Variants in PRDM2 observed in about 807,000 individuals in gnomAD.
The protein encoded by PRDM2 is PR domain zinc finger protein 2.
A neutral mutation model predicts 130.0 loss-of-function variants in PRDM2; 30 were observed. The observed-to-expected ratio is 0.23, with a 90% CI of 0.17 to 0.31. The LOEUF (loss-of-function observed/expected upper bound fraction) is 0.31, where lower values mean the gene tolerates loss of function less well. Ranked by LOEUF, PRDM2 falls within the 10% of genes least tolerant of loss-of-function variation. The probability of loss-of-function intolerance (pLI) is 1.00; values close to 1 mark genes in which losing one functional copy is unlikely to be tolerated. For missense variants in PRDM2, 2,011 were observed against 2,108.4 expected, an observed-to-expected ratio of 0.95 and a Z score of 0.90; for synonymous variants, 871 against 782.4, an observed-to-expected ratio of 1.11 and a Z score of -1.89.
rs1364862830 is a variant in PRDM2, at chr1:13,803,414, G to T, written c.5037-13013G>T. 6.6e-6 allele frequency among the ~76,000 whole-genome samples: 1 copy of T among 152,120 alleles called. No individual in the cohort carries two copies. Among genetic ancestry groups the T allele is most frequent in the Non-Finnish European group, 1.5e-5 (1 of 68,018 alleles). On this transcript the variant is annotated intron_variant, in intron 8 of 9. Transcript: ENST00000311066. The surrounding 1 kb of genome is among the most constrained non-coding windows in gnomAD (Gnocchi z 6.2). ...GCTCTCCTGGTGCTCCCAGTCCAGT[G>T]GGGGAGCCAGGTGGGTAGAGCCAGT...
rs1041004150 is a variant in PRDM2 at position 13,806,230 on chromosome 1, C to T, written c.5037-10197C>T. On this transcript the variant is annotated intron_variant, in intron 8 of 9. Transcript: ENST00000311066. This position sits in a 1 kb window ranked among gnomAD's most constrained non-coding sequence, Gnocchi z 4.1. ...CTCTGCACATTACCAGCTGCTCCCC[C>T]GCATCCCGCCTCCATCCCTGGGCTC... Among the ~76,000 whole-genome samples the T allele has an allele frequency of 9.2e-5, 13 of 141,020 alleles. No individual in the cohort carries two copies. Among genetic ancestry groups the T allele is most frequent in the Admixed American group, 6.1e-4 (9 of 14,662 alleles). 92.5% of individuals were successfully genotyped at this position (141,020 alleles called of 152,430 possible).
chr1:13,742,231 C>T (rs1354864483), intron 5 of PRDM2, 74 bp downstream of exon 5: 23 of 1,475,234 alleles, frequency 1.6e-5, no homozygotes, highest in East Asian at 2.3e-5. Flanking sequence ...GAGACGGTCT[C>T]ATTCTGTCTC....
At position 13,780,969 on chromosome 1, in the gene PRDM2, TTCC is replaced by T. The variant is rs749624175; in HGVS notation, c.3183_3185del (p.Ser1063del). The T allele has an allele frequency of 3.1e-5, 50 of 1,602,774 alleles. 2 individuals carry two copies. The South Asian group carries it at 4.1e-4, about 13-fold the overall frequency. On this transcript the variant is annotated inframe_deletion, in exon 8 of 10. Coordinates refer to ENST00000311066, the MANE Select transcript of PRDM2 (RefSeq NM_001393986.1). ...CACTTTCTTCTTCCTCCTCTTCATCTTCCTCCTCCTCTTCGTTTTCTTCTTCAT... is the reference window on the plus strand; with the variant it reads ...CACTTTCTTCTTCCTCCTCTTCATCTTCCTCCTCTTCGTTTTCTTCTTCAT...
chr1:13,707,484 T>A (rs1294855760), intron 1 of PRDM2, among the ~76,000 whole-genome samples: 1 of 152,256 alleles, frequency 6.6e-6, no homozygotes, highest in African/African-American at 2.4e-5. Context: ...AGCTTGGCAT[T>A]TGAGCCTTAG....
chr1:13,811,659 A>G (rs898843416), intron 8 of PRDM2, among the ~76,000 whole-genome samples: 4 of 152,230 alleles, frequency 2.6e-5, no homozygotes, highest in African/African-American at 9.6e-5. Context: ...CCCTGCCCTC[A>G]AAGACATCCT....
intron 5 of PRDM2, among the ~76,000 whole-genome samples, chr1:13,747,769 C>CAAAAA (rs78988090): frequency 2.1e-5 from 1 of 48,372 alleles, no homozygotes. Flanking sequence ...TCCCTCCCCG[C>CAAAAA]AAAAAAAAAA....
intron 2 of PRDM2, 129 bp from the exon 3 acceptor site, chr1:13,730,871 G>C (rs1643079970): frequency 1.6e-6 from 1 of 628,354 alleles, no homozygotes. Flanking sequence ...TCATCGTTTT[G>C]GTCTGTCTTG....
At chr1:13,746,052 C>T (rs1454168053) in intron 5 of PRDM2, among the ~76,000 whole-genome samples, 3 of 152,072 alleles carry the variant, frequency 2.0e-5, no homozygotes, top group African/African-American at 7.2e-5. Flanking sequence ...ACTCTTGCTT[C>T]TTCCTGATTT....
intron 8 of PRDM2, among the ~76,000 whole-genome samples, chr1:13,798,029 G>A (rs946050527): frequency 7.9e-5 from 12 of 152,006 alleles, no homozygotes; most frequent in South Asian, 2.1e-4. Flanking sequence ...ATAACAACCC[G>A]GTGATAGATG....
chr1:13,715,527 GT>G lies in PRDM2; in HGVS notation c.-65-9del. The G allele has an allele frequency of 7.6e-7, 1 of 1,313,294 alleles. No individual in the cohort carries two copies. Among genetic ancestry groups the G allele is most frequent in the Non-Finnish European group, 1.0e-6 (1 of 959,448 alleles). The allele number at this position is 1,313,294 out of a possible 1,614,324, so 81.4% of individuals were successfully genotyped here. On this transcript the variant is annotated splice_polypyrimidine_tract_variant and intron_variant, in intron 1 of 9. Coordinates refer to ENST00000311066, the MANE Select transcript of PRDM2 (RefSeq NM_001393986.1). Reference sequence around the variant, plus strand: ...AGGCAGGTACATATTACAATTGTCTGTTTTTCTTTTTAGGGTTCATGTAATC... The same window carrying G: ...AGGCAGGTACATATTACAATTGTCTGTTTTCTTTTTAGGGTTCATGTAATC...
At chr1:13,712,564 G>A (rs1642403761) in intron 1 of PRDM2, among the ~76,000 whole-genome samples, 1 of 152,010 alleles carries the variant, frequency 6.6e-6, no homozygotes, top group South Asian at 2.1e-4. Context: ...AGACCATCAT[G>A]GCCAACATGG....
intron 8 of PRDM2, 118 bp downstream of exon 8, chr1:13,782,949 C>A: frequency 1.2e-5 from 18 of 1,557,068 alleles, no homozygotes; most frequent in Non-Finnish European, 1.6e-5. Flanking sequence ...AAGGAAATAG[C>A]TGTTGTATAA....
intron 8 of PRDM2, among the ~76,000 whole-genome samples, chr1:13,800,862 A>C (rs896788932): frequency 2.0e-5 from 3 of 152,236 alleles, no homozygotes; most frequent in Middle Eastern, 3.4e-3. Context: ...GCTCTGTTCC[A>C]GGCACCATGC....
chr1:13,788,041 A>G (rs1039639342), intron 8 of PRDM2: 1 of 979,698 alleles, frequency 1.0e-6, no homozygotes. Flanking sequence ...TAAACAATGC[A>G]TTTTATATTA....
In PRDM2 at chr1:13,781,439, C is replaced by T; in HGVS notation, c.3644C>T (p.Pro1215Leu). ...CAGCAGCACCAGCGAGATCTCCACC[C>T]AGATAAGGTGTGCACACATCACGAG... ...NLQQHQRDLH[P>L]DKVCTHHEFE... The change falls in exon 8 of 10, where the codon CCA becomes CTA. Residue 1215 changes from proline (P) to leucine (L), a missense_variant. By Grantham distance (98) the Pro-to-Leu change is moderately conservative (BLOSUM62 -3). Transcript: ENST00000311066. The surrounding 1 kb of genome is among the most constrained non-coding windows in gnomAD (Gnocchi z 6.1). 1.9e-6 allele frequency: 3 copies of T among 1,614,078 alleles called. No homozygotes were observed. The highest frequency in any genetic ancestry group is 2.5e-6 in the Non-Finnish European group (3 of 1,180,032).
At chr1:13,789,311 G>T (rs369522149) in intron 8 of PRDM2, among the ~76,000 whole-genome samples, 1 of 152,178 alleles carries the variant, frequency 6.6e-6, no homozygotes, top group African/African-American at 2.4e-5. Flanking sequence ...TCTTGTCCTC[G>T]TTGTTACAAG....
chr1:13,778,184 C>T (rs563779831), intron 7 of PRDM2, among the ~76,000 whole-genome samples: 51 of 152,272 alleles, frequency 3.3e-4, no homozygotes, highest in African/African-American at 1.1e-3. Context: ...TCCTCACTGC[C>T]GGGAATATTG....
In PRDM2 at chr1:13,780,993, T is replaced by C; in HGVS notation, c.3198T>C (p.Ser1066=). The part of the protein sequence containing the change: ...SSSSSSSSFS[S]SSSSSSPSPP... The stretch of plus-strand genomic sequence containing the variant: ...CTTCCTCCTCCTCTTCGTTTTCTTC[T>C]TCATCTTCCTCCTCTTCTCCTTCTC... Residue 1066 remains serine (S), a synonymous_variant, in exon 8 of 10, where the codon TCT becomes TCC. Coordinates refer to ENST00000311066, the MANE Select transcript of PRDM2 (RefSeq NM_001393986.1). The C allele has an allele frequency of 6.2e-7, 1 of 1,601,204 alleles. No individual in the cohort carries two copies. The highest frequency in any genetic ancestry group is 8.6e-7 in the Non-Finnish European group (1 of 1,168,450).
At chr1:13,798,345 A>C (rs187635251) in intron 8 of PRDM2, among the ~76,000 whole-genome samples, 2 of 152,344 alleles carry the variant, frequency 1.3e-5, no homozygotes, top group Non-Finnish European at 2.9e-5. Flanking sequence ...GTCCGTTCAT[A>C]GGTAAATGAT....
Sources: allele counts gnomAD v4.1 joint callset (sites outside exome capture counted in the v4.1 genomes callset), GRCh38; gene constraint gnomAD v4.1.1; non-coding constraint Gnocchi (gnomAD v3.1); transcripts MANE v1.5; gene names NCBI Gene and HGNC (gene_info 2026-07-23, HGNC 2026-07-21).